Variants in DPYD observed in about 807,000 individuals in gnomAD.
DPYD encodes dihydropyrimidine dehydrogenase.
A neutral mutation model predicts 116.2 loss-of-function variants in DPYD; 109 were observed. The ratio of observed to expected loss-of-function variants is 0.94; its 90% confidence interval spans 0.80 to 1.10. DPYD has a LOEUF of 1.10. Among genes scored for constraint, DPYD ranks in the 50% least tolerant of loss-of-function variants. The pLI is 0.00. For synonymous variants in DPYD, 440 were observed against 432.0 expected (o/e 1.02, Z -0.23); for missense variants, 1,302 against 1,254.5 (o/e 1.04, Z -0.57).
In DPYD at chr1:97,082,386, C is replaced by A. The variant is rs1373717016; in HGVS notation, c.2851G>T (p.Glu951Ter). 6.2e-7 allele frequency: 1 copy of A among 1,613,544 alleles called. No individual in the cohort carries two copies. The highest frequency in any genetic ancestry group is 8.5e-7 in the Non-Finnish European group (1 of 1,179,662). ...CATTTACCACAGTTGATACACATTT[C>A]TTCATCAATCATAGCCACAACTTGC... ...VEQVVAMIDE[E>*]MCINCGKCYM... Residue 951 changes from glutamate (E) to a stop codon, truncating the protein, a stop_gained, in exon 22 of 23, where the codon GAA becomes TAA. Coordinates refer to ENST00000370192, the MANE Select transcript of DPYD (RefSeq NM_000110.4). LOFTEE classifies it high-confidence loss of function.
chr1:97,268,876 T>C (rs1224552276), intron 18 of DPYD, among the ~76,000 whole-genome samples: 1 of 152,220 alleles, frequency 6.6e-6, no homozygotes, highest in Non-Finnish European at 1.5e-5. Context: ...AACAGTCGCT[T>C]AGCCACACAC....
intron 11 of DPYD, among the ~76,000 whole-genome samples, chr1:97,571,167 G>C (rs1652868618): frequency 6.6e-6 from 1 of 151,934 alleles, no homozygotes; most frequent in African/African-American, 2.4e-5. Flanking sequence ...AACAAATTCT[G>C]AACTTTGGAA....
intron 20 of DPYD, among the ~76,000 whole-genome samples, chr1:97,163,783 C>T (rs1238376201): frequency 6.6e-6 from 1 of 152,154 alleles, no homozygotes; most frequent in African/African-American, 2.4e-5. Context: ...CCAAAGACCA[C>T]ATCTCTTACT....
intron 1 of DPYD, among the ~76,000 whole-genome samples, chr1:97,913,568 C>A (rs1166905625): frequency 3.9e-5 from 6 of 152,132 alleles, no homozygotes; most frequent in Non-Finnish European, 2.9e-5. Context: ...TTTTAATTAA[C>A]AAATAGTAAA....
intron 16 of DPYD, among the ~76,000 whole-genome samples, chr1:97,362,616 C>A (rs185303718): frequency 3.4e-4 from 52 of 152,098 alleles, no homozygotes; most frequent in Non-Finnish European, 5.2e-4. Context: ...TATAGACCAA[C>A]GGAACAGAAC....
intron 2 of DPYD, among the ~76,000 whole-genome samples, chr1:97,841,319 G>A (rs1297943202): frequency 6.6e-6 from 1 of 151,964 alleles, no homozygotes; most frequent in Non-Finnish European, 1.5e-5. Context: ...GATTATCACA[G>A]AGACAAGAGA....
chr1:97,811,788 G>T (rs1668361254), intron 3 of DPYD, among the ~76,000 whole-genome samples: 1 of 151,954 alleles, frequency 6.6e-6, no homozygotes, highest in Non-Finnish European at 1.5e-5. Context: ...ATATGATAGT[G>T]CACTGTAACT....
intron 12 of DPYD, among the ~76,000 whole-genome samples, chr1:97,533,711 A>G (rs970818682): frequency 6.6e-6 from 1 of 152,194 alleles, no homozygotes; most frequent in Non-Finnish European, 1.5e-5. Flanking sequence ...AGTCAACAAC[A>G]TATCAGCCAA....
At chr1:97,134,465 A>G (rs1653629749) in intron 20 of DPYD, among the ~76,000 whole-genome samples, 2 of 152,100 alleles carry the variant, frequency 1.3e-5, no homozygotes, top group Admixed American at 1.3e-4. Context: ...CCACCTTTGT[A>G]TGCTACTTTC....
chr1:97,767,840 G>A (rs1223405837), intron 3 of DPYD, among the ~76,000 whole-genome samples: 1 of 137,048 alleles, frequency 7.3e-6, no homozygotes, highest in South Asian at 2.5e-4. Context: ...ACATCCAAAT[G>A]TTTTAAATAT....
Position 97,303,390 on chromosome 1 carries a change from C to T in DPYD, c.2299+1869G>A, listed in dbSNP as rs145588068. On this transcript the variant is annotated intron_variant, in intron 18 of 22. Coordinates refer to ENST00000370192, the MANE Select transcript of DPYD (RefSeq NM_000110.4). ...TTAAAAATCTTATAAAAATATCTAG[C>T]TTATTTTGTGTAACTTTCAGTATTA... Among the ~76,000 whole-genome samples, 550 of 152,018 alleles carry T rather than the reference C, an allele frequency of 3.6e-3. 4 individuals carry two copies. The highest frequency in any genetic ancestry group is 0.013 in the African/African-American group (527 of 41,510).
intron 8 of DPYD, among the ~76,000 whole-genome samples, chr1:97,666,317 T>C (rs1317511591): frequency 6.6e-6 from 1 of 152,000 alleles, no homozygotes; most frequent in Admixed American, 6.6e-5. Context: ...CATCCCACTC[T>C]GCATGGCGAA....
chr1:97,700,706 T>C (rs1661550122), intron 5 of DPYD, among the ~76,000 whole-genome samples: 1 of 151,834 alleles, frequency 6.6e-6, no homozygotes, highest in Non-Finnish European at 1.5e-5. Flanking sequence ...CCTAAAAAAA[T>C]TGAAAGAGAT....
At chr1:97,607,534 G>T (rs1655677237) in intron 8 of DPYD, among the ~76,000 whole-genome samples, 1 of 151,876 alleles carries the variant, frequency 6.6e-6, no homozygotes, top group African/African-American at 2.4e-5. Context: ...GGTGCTGGGA[G>T]TCAGAGATGC....
chr1:97,248,731 C>G (rs1662888506), intron 18 of DPYD, among the ~76,000 whole-genome samples: 1 of 152,080 alleles, frequency 6.6e-6, no homozygotes, highest in African/African-American at 2.4e-5. Flanking sequence ...ATAAAAAAAC[C>G]TATAGCTAAA....
chr1:97,740,338 G>T, intron 4 of DPYD, 54 bp downstream of exon 4: 2 of 1,439,614 alleles, frequency 1.4e-6, no homozygotes, highest in South Asian at 2.3e-5. Context: ...ACAGATAATA[G>T]AGAACAAGAT....
chr1:97,299,092 T>C (rs1666711633), intron 18 of DPYD, among the ~76,000 whole-genome samples: 1 of 152,144 alleles, frequency 6.6e-6, no homozygotes, highest in South Asian at 2.1e-4. Context: ...TTTCTGAAGC[T>C]TACAGAGATG....
intron 18 of DPYD, among the ~76,000 whole-genome samples, chr1:97,290,622 T>C (rs1449762500): frequency 6.6e-6 from 1 of 152,194 alleles, no homozygotes; most frequent in Non-Finnish European, 1.5e-5. Flanking sequence ...CTGGGAAAAC[T>C]GGCTAGCCAT....
chr1:97,428,934 G>T (rs560998360), intron 14 of DPYD, among the ~76,000 whole-genome samples: 6 of 151,820 alleles, frequency 4.0e-5, no homozygotes, highest in Admixed American at 2.6e-4. Flanking sequence ...GGTAAATAGG[G>T]TATTAAATTT....
Sources: gnomAD v4.1 joint callset for allele counts (sites outside exome capture counted in the v4.1 genomes callset) on GRCh38, gnomAD v4.1.1 for gene constraint, MANE v1.5 for transcripts, NCBI Gene and HGNC (gene_info 2026-07-23, HGNC 2026-07-21) for gene names.